PARD3B: variants seen among roughly 807,000 people sequenced by gnomAD.
PARD3B encodes par-3 family cell polarity regulator beta, also known as partitioning defective 3 homolog B.
Under a neutral mutation model 130.2 loss-of-function variants are expected in PARD3B, and 103 were observed. The ratio of observed to expected loss-of-function variants is 0.79; its 90% CI spans 0.67 to 0.93. PARD3B has a LOEUF of 0.93. Among genes scored for constraint, PARD3B ranks in the 40% least tolerant of loss-of-function variants. The pLI is 0.00. For synonymous variants in PARD3B, 583 were observed against 553.2 expected (o/e 1.05, Z -0.76); for missense variants, 1,609 against 1,499.2 (o/e 1.07, Z -1.21).
At chr2:204,770,885 A>C (rs1183166876) in intron 2 of PARD3B, among the ~76,000 whole-genome samples, 1 of 152,008 alleles carries the variant, frequency 6.6e-6, no homozygotes, top group Non-Finnish European at 1.5e-5. Context: ...AACATTTTTA[A>C]TCTCTTGTGC....
chr2:205,054,894 T>G (rs967440573), intron 4 of PARD3B, among the ~76,000 whole-genome samples: 12 of 151,878 alleles, frequency 7.9e-5, no homozygotes, highest in East Asian at 1.9e-4. Context: ...AAATGAGTGG[T>G]TTTTTTTCCC....
intron 18 of PARD3B, among the ~76,000 whole-genome samples, chr2:205,349,227 G>C (rs1353383297): frequency 2.0e-5 from 3 of 152,158 alleles, no homozygotes; most frequent in Admixed American, 6.5e-5. Flanking sequence ...AATCTCCTTA[G>C]CTTTTCTCTT....
chr2:205,349,800 C>CTTTTT (rs11417800), intron 18 of PARD3B, among the ~76,000 whole-genome samples: 1 of 102,250 alleles, frequency 9.8e-6, no homozygotes, highest in Non-Finnish European at 2.0e-5. Context: ...TTCTTTTTCT[C>CTTTTT]TTTTTTTTTT....
In PARD3B at chr2:205,553,910, G is replaced by C. The variant is rs193258183; in HGVS notation, c.3260+507G>C. Among the ~76,000 whole-genome samples the C allele has an allele frequency of 2.6e-5, 4 of 151,562 alleles. No homozygotes were observed. In the East Asian group the frequency reaches 7.7e-4, roughly 29 times the overall value. ...TTGCTGAGAGGCACAGACCCAACGG[G>C]GGAAAGAAACAACTGCATGGGAAAA... On this transcript the variant is annotated intron_variant, in intron 22 of 22. Coordinates refer to ENST00000406610, the MANE Select transcript of PARD3B (RefSeq NM_001302769.2).
At position 205,118,987 on chromosome 2, in the gene PARD3B, C is replaced by T. The variant is rs189626707; in HGVS notation, c.747C>T (p.His249=). 1.7e-5 allele frequency: 27 copies of T among 1,611,308 alleles called. No homozygotes were observed. The highest frequency in any genetic ancestry group is 5.4e-5 in the African/African-American group (4 of 74,662). ...NSRSKREGLF[H]ENECIVKINN... ...GGTCCAAGCGGGAGGGACTATTTCA[C>T]GAAAATGAATGTATTGTAAAAATCA... The change falls in exon 7 of 23, where the codon CAC becomes CAT. Residue 249 remains histidine (H), a synonymous_variant. Transcript: ENST00000406610.
At chr2:204,612,324 A>G (rs978371995) in intron 1 of PARD3B, among the ~76,000 whole-genome samples, 2 of 152,218 alleles carry the variant, frequency 1.3e-5, no homozygotes, top group Admixed American at 6.5e-5. Context: ...CAGGAACAAC[A>G]ACAAACCATA....
chr2:205,189,198 A>G (rs2036260177), intron 14 of PARD3B, among the ~76,000 whole-genome samples: 1 of 152,008 alleles, frequency 6.6e-6, no homozygotes, highest in Non-Finnish European at 1.5e-5. Context: ...AACTACTCTC[A>G]CTCATAGAAG....
At chr2:204,771,301 A>G (rs763304032) in intron 2 of PARD3B, among the ~76,000 whole-genome samples, 26 of 152,010 alleles carry the variant, frequency 1.7e-4, no homozygotes, top group Non-Finnish European at 3.5e-4. Flanking sequence ...GATAGTATCT[A>G]TGAATTATCT....
rs149107706 is a variant in PARD3B at position 205,376,310 on chromosome 2, G to A, written c.2631-24703G>A. Reference sequence around the variant, plus strand: ...CACCACACTAAGTAATGGGTCGGAGGATACTTAGGAGTTGAGGAAACAGTG... The same window carrying A: ...CACCACACTAAGTAATGGGTCGGAGAATACTTAGGAGTTGAGGAAACAGTG... On this transcript the variant is annotated intron_variant, in intron 18 of 22. Coordinates refer to ENST00000406610, the MANE Select transcript of PARD3B (RefSeq NM_001302769.2). Among the ~76,000 whole-genome samples, 222 of 152,234 alleles carry A rather than the reference G, an allele frequency of 1.5e-3. 3 individuals carry two copies. In the East Asian group the frequency reaches 0.027, roughly 18 times the overall value.
intron 2 of PARD3B, among the ~76,000 whole-genome samples, chr2:204,949,637 A>G (rs1307769063): frequency 6.6e-6 from 1 of 151,892 alleles, no homozygotes; most frequent in Non-Finnish European, 1.5e-5. Context: ...TTTCCTTTTA[A>G]TTTTTCATGT....
intron 3 of PARD3B, among the ~76,000 whole-genome samples, chr2:205,036,150 T>C (rs1033429457): frequency 1.4e-5 from 2 of 145,870 alleles, no homozygotes; most frequent in African/African-American, 5.0e-5. Context: ...TATATATATA[T>C]AAAAAATATG....
chr2:204,992,978 G>C (rs1249567594), intron 3 of PARD3B, among the ~76,000 whole-genome samples: 3 of 112,474 alleles, frequency 2.7e-5, no homozygotes, highest in Non-Finnish European at 3.6e-5. Flanking sequence ...GAGATTTTGG[G>C]CTGAGACGAT....
intron 4 of PARD3B, chr2:205,103,711 A>T: frequency 2.0e-6 from 2 of 985,362 alleles, no homozygotes; most frequent in Non-Finnish European, 2.4e-6. Flanking sequence ...TGTCTTCTGT[A>T]AGGAAGCAGC....
At chr2:204,616,491 G>A (rs1422257987) in intron 1 of PARD3B, among the ~76,000 whole-genome samples, 1 of 152,182 alleles carries the variant, frequency 6.6e-6, no homozygotes, top group African/African-American at 2.4e-5. Context: ...AGAACGTGGA[G>A]CAACAGGAAC....
At chr2:204,738,317 T>C (rs2125356352) in intron 2 of PARD3B, among the ~76,000 whole-genome samples, 1 of 152,144 alleles carries the variant, frequency 6.6e-6, no homozygotes. Flanking sequence ...AGGTATTTTA[T>C]TTTTTTTCCT....
intron 21 of PARD3B, among the ~76,000 whole-genome samples, chr2:205,506,914 A>G (rs2050387237): frequency 6.6e-6 from 1 of 152,222 alleles, no homozygotes; most frequent in African/African-American, 2.4e-5. Context: ...GACTTCAGGC[A>G]AAGCTGGATC....
At chr2:204,551,708 G>A (rs996453957) in intron 1 of PARD3B, among the ~76,000 whole-genome samples, 19 of 152,206 alleles carry the variant, frequency 1.2e-4, no homozygotes, top group Non-Finnish European at 2.6e-4. Context: ...GTAGCTTGAG[G>A]CCCTGTGCTT....
chr2:204,748,148 T>A (rs574852700), intron 2 of PARD3B, among the ~76,000 whole-genome samples: 1 of 152,170 alleles, frequency 6.6e-6, no homozygotes, highest in Non-Finnish European at 1.5e-5. Flanking sequence ...TATGGTTGAG[T>A]ACGGTTGCTC....
chr2:204,552,217 G>A (rs951984245), intron 1 of PARD3B, among the ~76,000 whole-genome samples: 1 of 152,144 alleles, frequency 6.6e-6, no homozygotes, highest in Non-Finnish European at 1.5e-5. Flanking sequence ...TTTGCCATCA[G>A]AAAGGGATCT....
Sources: gnomAD v4.1 joint callset for allele counts (sites outside exome capture counted in the v4.1 genomes callset) on GRCh38, gnomAD v4.1.1 for gene constraint, MANE v1.5 for transcripts, NCBI Gene and HGNC (gene_info 2026-07-23, HGNC 2026-07-21) for gene names.